Variants in DNAJA3 observed in about 807,000 individuals in gnomAD.
The protein encoded by DNAJA3 is dnaJ homolog subfamily A member 3, mitochondrial.
DNAJA3 carries 29 observed loss-of-function variants against 54.9 expected under a neutral mutation model. The ratio of observed to expected loss-of-function variants is 0.53; its 90% confidence interval spans 0.39 to 0.72. DNAJA3 has a LOEUF of 0.72. Among genes scored for constraint, DNAJA3 ranks in the 30% least tolerant of loss-of-function variants. The pLI is 0.00. For synonymous variants in DNAJA3, 302 were observed against 251.4 expected (o/e 1.20, Z -1.90); for missense variants, 708 against 639.4 (o/e 1.11, Z -1.16).
chr16:4,448,756 C>A lies in DNAJA3; in HGVS notation c.1149C>A (p.Asp383Glu). 1 of 1,614,076 alleles carries A rather than the reference C, an allele frequency of 6.2e-7. No homozygotes were observed. The highest frequency in any genetic ancestry group is 8.5e-7 in the Non-Finnish European group (1 of 1,179,962). Reference sequence around the variant, plus strand: ...AGATCCCCCCTGGGACTCAGACAGACCAGAAGATTCGGATGGGTGGGAAAG... The same window carrying A: ...AGATCCCCCCTGGGACTCAGACAGAACAGAAGATTCGGATGGGTGGGAAAG... ...NVTIPPGTQT[D>E]QKIRMGGKGI... Residue 383 changes from aspartate (D) to glutamate (E), a missense_variant, in exon 9 of 12, where the codon GAC becomes GAA. By Grantham distance (45) the Asp-to-Glu change is conservative. Transcript: ENST00000262375.
chr16:4,454,839 A>G lies in DNAJA3; in HGVS notation c.1368A>G (p.Gly456=). ...GCAGCACCATGGATAGCTCCGCAGG[A>G]AGCAAGGCTAGGCGTGAGGCTGGGG... ...SGGSTMDSSA[G]SKARREAGED... The change falls in exon 11 of 12, where the codon GGA becomes GGG. Residue 456 remains glycine, a synonymous_variant. Coordinates refer to ENST00000262375, the MANE Select transcript of DNAJA3 (RefSeq NM_005147.6). 8 of 1,614,064 alleles carry G rather than the reference A, an allele frequency of 5.0e-6. No homozygotes were observed. Among genetic ancestry groups the G allele is most frequent in the Non-Finnish European group, 6.8e-6 (8 of 1,179,952 alleles).
At position 4,448,804 on chromosome 16, in the gene DNAJA3, C is replaced by T. The variant is rs770967257; in HGVS notation, c.1197C>T (p.Tyr399=). The T allele has an allele frequency of 8.7e-6, 14 of 1,613,978 alleles. No homozygotes were observed. Among genetic ancestry groups the T allele is most frequent in the South Asian group, 4.4e-5 (4 of 91,070 alleles). Residue 399 remains tyrosine (Y), a synonymous_variant, in exon 9 of 12, where the codon TAC becomes TAT. Transcript: ENST00000262375. ...AAGGCATCCCCCGGATTAACAGCTACGGCTACGGAGACCACTACATCCACA... is the reference window on the plus strand; with the variant it reads ...AAGGCATCCCCCGGATTAACAGCTATGGCTACGGAGACCACTACATCCACA... The part of the protein sequence containing the change: ...GGKGIPRINS[Y]GYGDHYIHIK...
At chr16:4,438,311 C>T (rs1223718668) in intron 3 of DNAJA3, among the ~76,000 whole-genome samples, 2 of 149,186 alleles carry the variant, frequency 1.3e-5, no homozygotes, top group Admixed American at 6.7e-5. Context: ...AGCAAGACCC[C>T]GTCTCAAAAA....
intron 7 of DNAJA3, among the ~76,000 whole-genome samples, chr16:4,446,602 G>A (rs188668632): frequency 3.3e-5 from 5 of 152,098 alleles, no homozygotes; most frequent in Middle Eastern, 3.4e-3. Context: ...TTCCCTTCAC[G>A]ATTGAATGGC....
At chr16:4,426,803 A>C (rs934563861) in intron 1 of DNAJA3, 1 of 152,236 alleles carries the variant, frequency 6.6e-6, no homozygotes, top group African/African-American at 2.4e-5. Flanking sequence ...ACTGAGGCTT[A>C]GATGTTAAAC....
At chr16:4,434,149 C>T (rs932346927) in intron 1 of DNAJA3, 12 of 497,036 alleles carry the variant, frequency 2.4e-5, no homozygotes, top group South Asian at 1.0e-4. Flanking sequence ...CTTACTATCG[C>T]GAGACCAGCA....
chr16:4,433,971 T>A (rs1478613039), intron 1 of DNAJA3: 1 of 228,124 alleles, frequency 4.4e-6, no homozygotes. Flanking sequence ...TACCTAAGAC[T>A]GGGTAAATTT....
intron 5 of DNAJA3, 140 bp downstream of exon 5, chr16:4,442,560 C>A: frequency 9.5e-7 from 1 of 1,050,884 alleles, no homozygotes; most frequent in Middle Eastern, 3.2e-4. Flanking sequence ...TCCCCCGTGA[C>A]CCTGAGGAGA....
chr16:4,437,918 A>G (rs139318813), intron 3 of DNAJA3, among the ~76,000 whole-genome samples: 1 of 151,938 alleles, frequency 6.6e-6, no homozygotes, highest in Non-Finnish European at 1.5e-5. Flanking sequence ...ATTGTGCCAT[A>G]GAACTATGGT....
At position 4,456,631 on chromosome 16, in the gene DNAJA3, G is replaced by C. The variant is rs2057039704; in HGVS notation, c.*1099G>C. The C allele has an allele frequency of 6.6e-6, 1 of 152,578 alleles. No homozygotes were observed. The allele number at this position is 152,578 out of a possible 1,614,324, so 9.5% of individuals were successfully genotyped here. A position where few individuals can be genotyped will look rare whatever the true frequency, so the allele number is the denominator to read the frequency against. On this transcript the variant is annotated 3_prime_UTR_variant, in exon 12 of 12. Coordinates refer to ENST00000262375, the MANE Select transcript of DNAJA3 (RefSeq NM_005147.6). ...GGCTGTCGTTAGACAGGTTAATGAA[G>C]AACACTTCTCAACAGTTTCCTTTTT...
chr16:4,432,615 T>C (rs1946886722), intron 1 of DNAJA3, among the ~76,000 whole-genome samples: 1 of 152,076 alleles, frequency 6.6e-6, no homozygotes. Flanking sequence ...GTGCTGGGAT[T>C]ACAGGCAGGA....
Position 4,443,035 on chromosome 16 carries a change from C to A in DNAJA3, c.802C>A (p.Pro268Thr). The A allele has an allele frequency of 6.2e-7, 1 of 1,614,070 alleles. No homozygotes were observed. The highest frequency in any genetic ancestry group is 8.5e-7 in the Non-Finnish European group (1 of 1,180,012). ...TTATCAGGAAACCATCAACACAGGC[C>A]CTTTTGTGATGCGTTCCACGTGTAG... The part of the protein sequence containing the change: ...GSGMETINTG[P>T]FVMRSTCRRC... Residue 268 changes from proline to threonine, a missense_variant, in exon 6 of 12, where the codon CCT becomes ACT. Coordinates refer to ENST00000262375, the MANE Select transcript of DNAJA3 (RefSeq NM_005147.6).
intron 3 of DNAJA3, among the ~76,000 whole-genome samples, chr16:4,438,306 G>C (rs1301126464): frequency 6.7e-6 from 1 of 148,578 alleles, no homozygotes; most frequent in East Asian, 2.0e-4. Flanking sequence ...GACAGAGCAA[G>C]ACCCCGTCTC....
chr16:4,453,751 G>C (rs969597455), intron 10 of DNAJA3, among the ~76,000 whole-genome samples: 3 of 152,148 alleles, frequency 2.0e-5, no homozygotes, highest in Admixed American at 6.6e-5. Context: ...TTGAGACTGG[G>C]TCTCACTCTG....
intron 3 of DNAJA3, among the ~76,000 whole-genome samples, chr16:4,438,117 C>G (rs1423419750): frequency 6.6e-6 from 1 of 152,030 alleles, no homozygotes; most frequent in Non-Finnish European, 1.5e-5. Flanking sequence ...GAGATCGAGA[C>G]CATCCCGGCT....
At chr16:4,429,408 G>A (rs2056665570) in intron 1 of DNAJA3, among the ~76,000 whole-genome samples, 1 of 151,880 alleles carries the variant, frequency 6.6e-6, no homozygotes, top group Non-Finnish European at 1.5e-5. Context: ...ATTTTTAGCA[G>A]ATACTGGATT....
chr16:4,455,307 A>C (rs2057022719), intron 11 of DNAJA3, among the ~76,000 whole-genome samples: 1 of 152,096 alleles, frequency 6.6e-6, no homozygotes, highest in Non-Finnish European at 1.5e-5. Flanking sequence ...GCCTGCTTGG[A>C]AGCTGCCCTC....
At chr16:4,426,606 T>C (rs956844202) in intron 1 of DNAJA3, among the ~76,000 whole-genome samples, 3 of 152,260 alleles carry the variant, frequency 2.0e-5, no homozygotes, top group Admixed American at 6.5e-5. Flanking sequence ...TGTCATAGTT[T>C]ACGCTCTTTC....
rs548099995 is a variant in DNAJA3 at position 4,432,108 on chromosome 16, GTCTC to G, written c.212-2268_212-2265del. Reference sequence around the variant, plus strand: ...TCAAAGTCCTCTTTAGCCTATTTCTGTCTCTCTCTCTTTTTTTTCCATGTCATAA... The same window carrying G: ...TCAAAGTCCTCTTTAGCCTATTTCTGTCTCTCTTTTTTTTCCATGTCATAA... On this transcript the variant is annotated intron_variant, in intron 1 of 11. Coordinates refer to ENST00000262375, the MANE Select transcript of DNAJA3 (RefSeq NM_005147.6). Among the ~76,000 whole-genome samples the G allele has an allele frequency of 4.7e-5, 7 of 150,176 alleles. No individual in the cohort carries two copies. In the East Asian group the frequency reaches 9.7e-4, roughly 21 times the overall value.
Sources: allele counts gnomAD v4.1 joint callset (sites outside exome capture counted in the v4.1 genomes callset), GRCh38; gene constraint gnomAD v4.1.1; transcripts MANE v1.5; gene names NCBI Gene and HGNC (gene_info 2026-07-23, HGNC 2026-07-21).